The following RAB3C variants were observed in gnomAD, a reference collection of about 807,000 sequenced individuals.
RAB3C encodes RAB3C, member RAS oncogene family.
RAB3C carries 17 observed loss-of-function variants against 26.4 expected under a neutral mutation model. The observed-to-expected ratio is 0.64, with a 90% CI of 0.44 to 0.97. RAB3C has a LOEUF of 0.97. Among genes scored for constraint, RAB3C ranks in the 50% least tolerant of loss-of-function variants. The probability of loss-of-function intolerance (pLI) is 0.00; values close to 1 mark genes in which losing one functional copy is unlikely to be tolerated. For synonymous variants in RAB3C, 91 were observed against 95.9 expected (o/e 0.95, Z 0.30); for missense variants, 242 against 281.9 (o/e 0.86, Z 1.01).
chr5:58,857,635 A>G lies in RAB3C; in HGVS notation c.*6284A>G, dbSNP rs567224758. The G allele has an allele frequency of 6.6e-6, 1 of 152,328 alleles. No homozygotes were observed. The highest frequency in any genetic ancestry group is 2.4e-5 in the African/African-American group (1 of 41,584). 9.4% of individuals were successfully genotyped at this position (152,328 alleles called of 1,614,324 possible). A position where few individuals can be genotyped will look rare whatever the true frequency, so the allele number is the denominator to read the frequency against. On this transcript the variant is annotated 3_prime_UTR_variant, in exon 5 of 5. Coordinates refer to ENST00000282878, the MANE Select transcript of RAB3C (RefSeq NM_138453.4). The stretch of plus-strand genomic sequence containing the variant: ...CTTGTATTTTATTTACAAATTCAAC[A>G]CTGTCAACCCTGGGAATTCTAAAAT...
At chr5:58,690,293 T>G (rs1053490859) in intron 2 of RAB3C, among the ~76,000 whole-genome samples, 2 of 152,190 alleles carry the variant, frequency 1.3e-5, no homozygotes, top group African/African-American at 4.8e-5. Context: ...TTTCAGTTAT[T>G]TATTAGTGTG....
chr5:58,726,151 T>C (rs1198269398), intron 3 of RAB3C, 31 bp downstream of exon 3: 3 of 1,106,370 alleles, frequency 2.7e-6, no homozygotes, highest in East Asian at 2.4e-5. Context: ...TTATTACTGA[T>C]AATGATGGTT....
rs1561152924 is a variant in RAB3C at position 58,851,575 on chromosome 5, C to T, written c.*224C>T. The T allele has an allele frequency of 2.5e-6, 1 of 399,260 alleles. No homozygotes were observed. Among genetic ancestry groups the T allele is most frequent in the Non-Finnish European group, 4.4e-6 (1 of 226,374 alleles). 24.7% of individuals were successfully genotyped at this position (399,260 alleles called of 1,614,324 possible). On this transcript the variant is annotated 3_prime_UTR_variant, in exon 5 of 5. Transcript: ENST00000282878. The stretch of plus-strand genomic sequence containing the variant: ...CTATCCATCTATAAACATCTGGTAC[C>T]TGCATGTGACTTGTTATTTATTTGT...
chr5:58,610,896 C>T (rs1024530133), intron 1 of RAB3C, among the ~76,000 whole-genome samples: 1 of 151,994 alleles, frequency 6.6e-6, no homozygotes, highest in Non-Finnish European at 1.5e-5. Flanking sequence ...CTAATCCTCT[C>T]CCTCCTCCCC....
chr5:58,675,516 G>A (rs1381405155), intron 2 of RAB3C, among the ~76,000 whole-genome samples: 2 of 151,928 alleles, frequency 1.3e-5, no homozygotes, highest in Non-Finnish European at 1.5e-5. Flanking sequence ...CACATGGAAG[G>A]CATTCAAGCA....
chr5:58,714,104 T>C (rs1749119387), intron 2 of RAB3C, among the ~76,000 whole-genome samples: 1 of 152,158 alleles, frequency 6.6e-6, no homozygotes, highest in African/African-American at 2.4e-5. Flanking sequence ...AGTTCATATG[T>C]TGGGGACAAA....
At chr5:58,675,266 G>A (rs2161246) in intron 2 of RAB3C, among the ~76,000 whole-genome samples, 101,567 of 151,676 alleles carry the variant, frequency 0.67, 34,288 homozygotes, top group Middle Eastern at 0.76. Flanking sequence ...CTTACATGGC[G>A]TTGCATATAT....
chr5:58,607,606 A>G (rs1468317994), intron 1 of RAB3C, among the ~76,000 whole-genome samples: 1 of 152,170 alleles, frequency 6.6e-6, no homozygotes, highest in Non-Finnish European at 1.5e-5. Context: ...CAAGACACAT[A>G]ATTGTCAGAT....
At chr5:58,809,717 C>T (rs1743028107) in intron 3 of RAB3C, among the ~76,000 whole-genome samples, 3 of 151,974 alleles carry the variant, frequency 2.0e-5, no homozygotes, top group South Asian at 2.1e-4. Context: ...GGATTAGTGC[C>T]CTTGTAGGAA....
chr5:58,744,337 G>A (rs1046926391), intron 3 of RAB3C, among the ~76,000 whole-genome samples: 3 of 152,286 alleles, frequency 2.0e-5, no homozygotes, highest in South Asian at 2.1e-4. Flanking sequence ...AAGGTTCCTG[G>A]GACCCCTTGA....
chr5:58,702,274 G>A (rs913787783), intron 2 of RAB3C, among the ~76,000 whole-genome samples: 14 of 152,068 alleles, frequency 9.2e-5, no homozygotes, highest in African/African-American at 2.9e-4. Context: ...CAGAGTTTCT[G>A]GCCTGTTAGT....
chr5:58,610,186 T>G (rs1259147835), intron 1 of RAB3C, among the ~76,000 whole-genome samples: 1 of 41,686 alleles, frequency 2.4e-5, no homozygotes, highest in Non-Finnish European at 4.7e-5. Flanking sequence ...AAAATGATTT[T>G]TGTTTTTCTG....
At chr5:58,799,542 C>T (rs933755805) in intron 3 of RAB3C, among the ~76,000 whole-genome samples, 10 of 152,110 alleles carry the variant, frequency 6.6e-5, no homozygotes, top group Admixed American at 2.0e-4. Flanking sequence ...ACACAATCAA[C>T]GTGAAATGGT....
intron 1 of RAB3C, among the ~76,000 whole-genome samples, chr5:58,596,666 T>A (rs866149232): frequency 3.2e-4 from 6 of 19,006 alleles, no homozygotes; most frequent in Non-Finnish European, 8.1e-4. Flanking sequence ...CATAATATAT[T>A]ATATATAAAT....
chr5:58,699,037 C>T (rs1422380238), intron 2 of RAB3C, among the ~76,000 whole-genome samples: 1 of 152,190 alleles, frequency 6.6e-6, no homozygotes, highest in Non-Finnish European at 1.5e-5. Context: ...AGCTTTTCTG[C>T]TCTGGTTTTT....
Position 58,624,773 on chromosome 5 carries a change from G to A in RAB3C, c.252+6903G>A, listed in dbSNP as rs147547349. ...GGATAAAGAAGAGGCATCGGGGCAG[G>A]AGACTGGATTTGAGACCTCTCTGTG... is the stretch of plus-strand genomic sequence containing the variant. On this transcript the variant is annotated intron_variant, in intron 2 of 4. Coordinates refer to ENST00000282878, the MANE Select transcript of RAB3C (RefSeq NM_138453.4). Among the ~76,000 whole-genome samples, 336 of 152,214 alleles carry A rather than the reference G, an allele frequency of 2.2e-3. 2 individuals are homozygous for A. Among genetic ancestry groups the A allele is most frequent in the African/African-American group, 7.8e-3 (322 of 41,530 alleles).
At chr5:58,691,356 A>G (rs1748567556) in intron 2 of RAB3C, among the ~76,000 whole-genome samples, 1 of 152,158 alleles carries the variant, frequency 6.6e-6, no homozygotes, top group Non-Finnish European at 1.5e-5. Context: ...AGAGTGTTGG[A>G]GACGTATAGA....
rs534432039 is a variant in RAB3C, at chr5:58,714,154, C to G, written c.253-11848C>G. 2.0e-4 allele frequency among the ~76,000 whole-genome samples: 31 copies of G among 152,086 alleles called. No individual in the cohort carries two copies. In the South Asian group the frequency reaches 5.2e-3, roughly 25 times the overall value. ...AGAAACTTGGACTTTATTTCCTAGC[C>G]AATAGGAAGACATAGCATGGTTTTG... On this transcript the variant is annotated intron_variant, in intron 2 of 4. Transcript: ENST00000282878.
intron 3 of RAB3C, among the ~76,000 whole-genome samples, chr5:58,727,976 C>G (rs1280898063): frequency 6.6e-6 from 1 of 151,952 alleles, no homozygotes; most frequent in African/African-American, 2.4e-5. Context: ...TTCTGAAGCC[C>G]AGCTTAAACT....
Sources: allele counts gnomAD v4.1 joint callset (sites outside exome capture counted in the v4.1 genomes callset), GRCh38; gene constraint gnomAD v4.1.1; transcripts MANE v1.5; gene names NCBI Gene and HGNC (gene_info 2026-07-23, HGNC 2026-07-21).